The following MED23 variants were observed in gnomAD, a reference collection of about 807,000 sequenced individuals.
MED23 encodes the protein mediator complex subunit 23, also known as mediator of RNA polymerase II transcription subunit 23.
Under a neutral mutation model 163.9 loss-of-function variants are expected in MED23, and 105 were observed. The ratio of observed to expected loss-of-function variants is 0.64; its 90% CI spans 0.55 to 0.75. The LOEUF (loss-of-function observed/expected upper bound fraction) is 0.75. Among genes scored for constraint, MED23 ranks in the 30% least tolerant of loss-of-function variants. The pLI, the probability that MED23 is intolerant of heterozygous loss-of-function variation, is 0.00. For missense variants in MED23, 1,054 were observed against 1,649.0 expected (o/e 0.64, Z 6.25); for synonymous variants, 561 against 565.6 (o/e 0.99, Z 0.12).
In MED23 at chr6:131,576,812, G is replaced by C. The variant is rs1014989370; in HGVS notation, c.4096-2517C>G. ...GAAAGAGCAGGCCCCTGTGAACCTG[G>C]AGTGTGTCTGGAATATTTACATCAG... is the stretch of plus-strand genomic sequence containing the variant. On this transcript the variant is annotated intron_variant, in intron 30 of 30. Coordinates refer to the MED23 transcript ENST00000354577. The C allele has an allele frequency of 1.3e-5, 17 of 1,277,532 alleles. No individual in the cohort carries two copies. In the Middle Eastern group the frequency reaches 9.5e-4, roughly 71 times the overall value. The allele number at this position is 1,277,532 out of a possible 1,614,324, so 79.1% of individuals were successfully genotyped here.
At chr6:131,596,371 A>C (rs1337349516) in intron 21 of MED23, 147 bp downstream of exon 21, 1 of 995,734 alleles carries the variant, frequency 1.0e-6, no homozygotes, top group Non-Finnish European at 1.5e-6. Flanking sequence ...AAACTCTCAA[A>C]CCTTGAAGAA....
chr6:131,589,852 T>C (rs1200870102), intron 27 of MED23, among the ~76,000 whole-genome samples: 1 of 152,214 alleles, frequency 6.6e-6, no homozygotes, highest in African/African-American at 2.4e-5. Context: ...TCTCTTAAAA[T>C]CAAGAGATAA....
Position 131,586,989 on chromosome 6 carries a change from T to C in MED23, c.*690A>G. Reference sequence around the variant, plus strand: ...AAAAAAGAAATTGGAGAATCAACCATTTAAGCATGATTTTAAGTTCAAGAA... The same window carrying C: ...AAAAAAGAAATTGGAGAATCAACCACTTAAGCATGATTTTAAGTTCAAGAA... On this transcript the variant is annotated 3_prime_UTR_variant, in exon 29 of 29. Transcript: ENST00000368068. The C allele has an allele frequency of 6.8e-7, 1 of 1,475,606 alleles. No homozygotes were observed. The highest frequency in any genetic ancestry group is 2.5e-5 in the Admixed American group (1 of 39,592). The allele number at this position is 1,475,606 out of a possible 1,614,324, so 91.4% of individuals were successfully genotyped here. A position where few individuals can be genotyped will look rare whatever the true frequency, so the allele number is the denominator to read the frequency against.
chr6:131,596,099 T>C lies in MED23; in HGVS notation c.2843A>G (p.Gln948Arg). Residue 948 changes from glutamine (Q) to arginine (R), a missense_variant, in exon 22 of 29, where the codon CAG (glutamine) becomes CGG (arginine). By Grantham distance (43) the Gln-to-Arg change is conservative (BLOSUM62 1). Transcript: ENST00000368068. ...AEQVDPPVQI[Q>R]SPYLPIYFGN... Reference sequence around the variant, plus strand: ...AAAATAGATGGGCAGATAGGGAGACTGGATCTGTACAGGAGGATCCACCTG... The same window carrying C: ...AAAATAGATGGGCAGATAGGGAGACCGGATCTGTACAGGAGGATCCACCTG... 6.2e-7 allele frequency: 1 copy of C among 1,614,162 alleles called. No homozygotes were observed. The highest frequency in any genetic ancestry group is 8.5e-7 in the Non-Finnish European group (1 of 1,180,004).
In MED23 at chr6:131,628,223, C is replaced by G; in HGVS notation, c.-174G>C. 4.2e-6 allele frequency: 3 copies of G among 720,506 alleles called. No individual in the cohort carries two copies. The highest frequency in any genetic ancestry group is 7.2e-6 in the Non-Finnish European group (3 of 413,840). The allele number at this position is 720,506 out of a possible 1,614,324, so 44.6% of individuals were successfully genotyped here. ...GTTCCCTCCCGAGCCCAGCCAACAGCAGGAACCTGTACGGAAGACGGGAAG... is the reference window on the plus strand; with the variant it reads ...GTTCCCTCCCGAGCCCAGCCAACAGGAGGAACCTGTACGGAAGACGGGAAG... On this transcript the variant is annotated 5_prime_UTR_variant, in exon 1 of 29. Coordinates refer to ENST00000368068, the MANE Select transcript of MED23 (RefSeq NM_004830.4).
downstream of MED23, among the ~76,000 whole-genome samples, chr6:131,582,393 C>A (rs1773971525): frequency 6.6e-6 from 1 of 152,130 alleles, no homozygotes; most frequent in East Asian, 1.9e-4. Context: ...AAGGGCCCAG[C>A]AGGACTGGGG....
At chr6:131,574,912 C>G (rs1231047866) in intron 30 of MED23, among the ~76,000 whole-genome samples, 3 of 152,174 alleles carry the variant, frequency 2.0e-5, no homozygotes, top group African/African-American at 4.8e-5. Flanking sequence ...TAATTCCAGA[C>G]AAGATAATCT....
chr6:131,596,461 C>G (rs879625976), intron 21 of MED23, 57 bp downstream of exon 21: 5 of 1,589,948 alleles, frequency 3.1e-6, no homozygotes, highest in Non-Finnish European at 3.5e-6. Context: ...ATCACTTCAT[C>G]AAATACTCAA....
At chr6:131,589,318 T>C (rs775353352) in intron 28 of MED23, 147 bp downstream of exon 28, 62 of 678,992 alleles carry the variant, frequency 9.1e-5, no homozygotes, top group Admixed American at 3.3e-4. Context: ...CTCTGATGCC[T>C]AAAAAGGTCT....
At chr6:131,582,685 T>C (rs1302642207), downstream of MED23, 2 of 1,613,904 alleles carry the variant, frequency 1.2e-6, no homozygotes, top group East Asian at 2.2e-5. Flanking sequence ...ATTGTGTATA[T>C]TGGCTTGAGA....
intron 4 of MED23, among the ~76,000 whole-genome samples, chr6:131,623,851 T>G (rs1345607708): frequency 6.6e-6 from 1 of 152,198 alleles, no homozygotes; most frequent in African/African-American, 2.4e-5. Flanking sequence ...GGTATATCTT[T>G]GTTAGCAGCA....
chr6:131,593,271 A>G (rs552849689), intron 23 of MED23, 100 bp from the exon 24 acceptor site: 361 of 1,426,886 alleles, frequency 2.5e-4, no homozygotes, highest in Non-Finnish European at 3.4e-4. Context: ...GCTTAGAGAG[A>G]TTAAGAGGCA....
chr6:131,598,114 C>A lies in MED23; in HGVS notation c.2607+173G>T. The stretch of plus-strand genomic sequence containing the variant: ...CAAAAAACAAACAAAAAAACAAAAA[C>A]AAACAAAAACAGAAATTGGAAAATT... On this transcript the variant is annotated intron_variant, in intron 20 of 28. Coordinates refer to ENST00000368068, the MANE Select transcript of MED23 (RefSeq NM_004830.4). This position sits in a 1 kb window ranked among gnomAD's most constrained non-coding sequence, Gnocchi z 4.7. 1 of 728,122 alleles carries A rather than the reference C, an allele frequency of 1.4e-6. No individual in the cohort carries two copies. The highest frequency in any genetic ancestry group is 2.3e-6 in the Non-Finnish European group (1 of 437,402). The allele number at this position is 728,122 out of a possible 1,614,324, so 45.1% of individuals were successfully genotyped here.
At chr6:131,604,357 AT>A in intron 14 of MED23, 37 bp from the exon 15 acceptor site, 2 of 1,606,202 alleles carry the variant, frequency 1.2e-6, no homozygotes, top group Non-Finnish European at 8.5e-7. Flanking sequence ...AAAAATCCAT[AT>A]TTTTGACATA....
In MED23 at chr6:131,598,645, G is replaced by A; in HGVS notation, c.2337C>T (p.His779=). Residue 779 remains histidine (H), a synonymous_variant, in exon 19 of 29, where the codon CAC becomes CAT. Coordinates refer to ENST00000368068, the MANE Select transcript of MED23 (RefSeq NM_004830.4). The surrounding 1 kb of genome is among the most constrained non-coding windows in gnomAD (Gnocchi z 4.7). The part of the protein sequence containing the change: ...SMSNENDIIT[H]FSMQGSPPLF... Reference sequence around the variant, plus strand: ...GAGGAGGGGAGCCCTGCATAGAGAAGTGGGTAATAATGTCGTTTTCGTTGC... The same window carrying A: ...GAGGAGGGGAGCCCTGCATAGAGAAATGGGTAATAATGTCGTTTTCGTTGC... The A allele has an allele frequency of 3.1e-6, 5 of 1,614,136 alleles. No homozygotes were observed. The highest frequency in any genetic ancestry group is 2.5e-6 in the Non-Finnish European group (3 of 1,180,020).
rs1776180512 is a variant in MED23 at position 131,610,246 on chromosome 6, G to A, written c.877C>T (p.His293Tyr). The A allele has an allele frequency of 6.2e-7, 1 of 1,613,504 alleles. No individual in the cohort carries two copies. The highest frequency in any genetic ancestry group is 1.3e-5 in the African/African-American group (1 of 74,902). The change falls in exon 11 of 29, where the codon CAC becomes TAC. Residue 293 changes from histidine (H) to tyrosine (Y), a missense_variant and splice_region_variant. By Grantham distance (83) the His-to-Tyr change is moderately conservative (BLOSUM62 2). This residue lies in a region of MED23 where 26 missense variants were observed against 28.4 expected (regional missense o/e 0.92). Transcript: ENST00000368068. ...VCNMLGLNKQ[H>Y]KQRCPVLEDQ... ...TCCAGCACAGGGCAGCGCTGCTTGT[G>A]CTGTAGGGCAGAGATTAAATACAGT... is the stretch of plus-strand genomic sequence containing the variant.
chr6:131,618,104 C>T (rs1776823753), intron 9 of MED23, among the ~76,000 whole-genome samples: 1 of 152,102 alleles, frequency 6.6e-6, no homozygotes, highest in South Asian at 2.1e-4. Context: ...AAAAGCTCTA[C>T]TACTTTTAAA....
At chr6:131,590,689 C>T (rs1012749131) in intron 26 of MED23, among the ~76,000 whole-genome samples, 6 of 152,088 alleles carry the variant, frequency 3.9e-5, no homozygotes, top group Non-Finnish European at 7.4e-5. Flanking sequence ...AGTGCAGTGG[C>T]GTGATCTTGG....
chr6:131,579,334 C>T, intron 30 of MED23: 2 of 1,596,326 alleles, frequency 1.3e-6, no homozygotes, highest in Non-Finnish European at 1.7e-6. Flanking sequence ...AAGGAAGTAA[C>T]CAAGGCCATA....
Sources: allele counts gnomAD v4.1 joint callset (sites outside exome capture counted in the v4.1 genomes callset), GRCh38; gene constraint gnomAD v4.1.1; regional missense constraint gnomAD v4.1.1; non-coding constraint Gnocchi (gnomAD v3.1); transcripts MANE v1.5; gene names NCBI Gene and HGNC (gene_info 2026-07-23, HGNC 2026-07-21).